SBNO2: variants seen among roughly 807,000 people sequenced by gnomAD.
SBNO2 encodes the protein strawberry notch homolog 2.
In SBNO2, 89 loss-of-function variants were observed where a neutral mutation model predicts 146.3. That is an observed-to-expected ratio of 0.61 (90% confidence interval 0.51 to 0.73). SBNO2 has a LOEUF of 0.73. Among genes scored for constraint, SBNO2 ranks in the 30% least tolerant of loss-of-function variants. The pLI, the probability that SBNO2 is intolerant of heterozygous loss-of-function variation, is 0.00. For missense variants in SBNO2, 2,092 were observed against 2,003.7 expected, an observed-to-expected ratio of 1.04 and a Z score of -0.84; for synonymous variants, 1,147 against 892.6, an observed-to-expected ratio of 1.29 and a Z score of -5.08.
At position 1,112,207 on chromosome 19, in the gene SBNO2, G is replaced by T. The variant is rs1478873040; in HGVS notation, c.2610C>A (p.Ala870=). The part of the protein sequence containing the change: ...AGERRFASIV[A]KRLESLGALT... ...TGCTCACCAGACTCTCCAGGCGCTT[G>T]GCCACGATGGAGGCGAACCGGCGCT... The change falls in exon 22 of 32, where the codon GCC becomes GCA. Residue 870 remains alanine, a synonymous_variant. Transcript: ENST00000361757. The surrounding 1 kb of genome is among the most constrained non-coding windows in gnomAD (Gnocchi z 5.9). 1.3e-6 allele frequency: 2 copies of T among 1,589,510 alleles called. No individual in the cohort carries two copies. Among genetic ancestry groups the T allele is most frequent in the South Asian group, 2.3e-5 (2 of 88,156 alleles).
Position 1,165,031 on chromosome 19 carries a change from G to A in SBNO2, c.-127+9141C>T, listed in dbSNP as rs7507563. On this transcript the variant is annotated intron_variant, in intron 1 of 31. Transcript: ENST00000361757. ...TGTGGGTCTTCCACAGGGTGTGCCC[G>A]GAGGAGGTCAAGACTCCACTGCCCT... 1.1e-4 allele frequency among the ~76,000 whole-genome samples: 16 copies of A among 151,464 alleles called. No homozygotes were observed. The South Asian group carries it at 2.9e-3, about 28-fold the overall frequency.
chr19:1,147,909 T>C (rs890374314), intron 3 of SBNO2, among the ~76,000 whole-genome samples: 7 of 152,160 alleles, frequency 4.6e-5, no homozygotes, highest in African/African-American at 1.7e-4. Context: ...ACCCTGAGGA[T>C]GGCAAAGGAC....
chr19:1,164,405 G>A (rs1193965631), intron 1 of SBNO2, among the ~76,000 whole-genome samples: 41 of 122,890 alleles, frequency 3.3e-4, no homozygotes, highest in African/African-American at 1.2e-3. Context: ...GGAGGAGGAG[G>A]AGGAGGAGGA....
At chr19:1,129,979 C>T (rs78436517) in intron 4 of SBNO2, among the ~76,000 whole-genome samples, 11,889 of 152,224 alleles carry the variant, frequency 0.078, 635 homozygotes, top group East Asian at 0.16. Context: ...CCACCCAAAA[C>T]TCCTGCCCCA....
rs542291859 is a variant in SBNO2 at position 1,119,023 on chromosome 19, G to A, written c.1515C>T (p.Arg505=). Residue 505 remains arginine (R), a synonymous_variant, in exon 14 of 32, where the codon CGC becomes CGT. Transcript: ENST00000361757. The part of the protein sequence containing the change: ...LAPAFECVYN[R]AALLWAEALN... ...TGCGCAGGCTCACCAGCAGGGCCGCGCGGTTGTAGACGCACTCGAAGGCTG... is the reference window on the plus strand; with the variant it reads ...TGCGCAGGCTCACCAGCAGGGCCGCACGGTTGTAGACGCACTCGAAGGCTG... The A allele has an allele frequency of 3.1e-5, 49 of 1,597,014 alleles. No homozygotes were observed. The East Asian group carries it at 7.4e-4, about 24-fold the overall frequency.
At chr19:1,133,085 C>T (rs982029783) in intron 4 of SBNO2, among the ~76,000 whole-genome samples, 2 of 152,126 alleles carry the variant, frequency 1.3e-5, no homozygotes, top group African/African-American at 2.4e-5. Context: ...GGGCCACAGG[C>T]GGTCATTCTC....
chr19:1,118,159 G>A (rs1362306017), intron 14 of SBNO2, among the ~76,000 whole-genome samples: 1 of 152,102 alleles, frequency 6.6e-6, no homozygotes, highest in South Asian at 2.1e-4. Flanking sequence ...GACCAACATG[G>A]AGAAATCCTG....
chr19:1,145,735 C>T (rs560113918), intron 4 of SBNO2, among the ~76,000 whole-genome samples: 4 of 152,260 alleles, frequency 2.6e-5, no homozygotes, highest in Non-Finnish European at 4.4e-5. Context: ...CTTCTGTGTC[C>T]GGCTGGCATG....
Position 1,108,217 on chromosome 19 carries a change from G to T in SBNO2, c.*3C>A, listed in dbSNP as rs1361730234. ...CTTGGGGCATGTTTCGCCTAAAGGC[G>T]TGTCAGAGAGGAGCCTGGGCGCCGG... On this transcript the variant is annotated 3_prime_UTR_variant, in exon 32 of 32. Coordinates refer to ENST00000361757, the MANE Select transcript of SBNO2 (RefSeq NM_014963.3). 1.7e-5 allele frequency: 26 copies of T among 1,527,202 alleles called. No individual in the cohort carries two copies. Among genetic ancestry groups the T allele is most frequent in the Admixed American group, 4.0e-5 (2 of 49,964 alleles). 94.6% of individuals were successfully genotyped at this position (1,527,202 alleles called of 1,614,324 possible). A position where few individuals can be genotyped will look rare whatever the true frequency, so the allele number is the denominator to read the frequency against.
intron 4 of SBNO2, among the ~76,000 whole-genome samples, chr19:1,132,867 T>A (rs1019959262): frequency 7.9e-5 from 12 of 152,198 alleles, no homozygotes; most frequent in African/African-American, 2.9e-4. Flanking sequence ...AGACCCGGCC[T>A]CGGCCCCCTG....
rs909218026 is a variant in SBNO2 at position 1,122,753 on chromosome 19, G to C, written c.819C>G (p.Gly273=). The C allele has an allele frequency of 4.6e-5, 71 of 1,537,350 alleles. No individual in the cohort carries two copies. Among genetic ancestry groups the C allele is most frequent in the Non-Finnish European group, 6.1e-5 (70 of 1,146,540 alleles). The change falls in exon 9 of 32, where the codon GGC becomes GGG. Residue 273 remains glycine (G), a synonymous_variant. Coordinates refer to ENST00000361757, the MANE Select transcript of SBNO2 (RefSeq NM_014963.3). ...EVLLPSGQRA[G]FLIGDGAGVG... is the part of the protein sequence containing the mutation. Reference sequence around the variant, plus strand: ...CGCCGGCCCCATCGCCGATGAGAAAGCCCGCGCGCTGCCCGCTGGGGAGCA... The same window carrying C: ...CGCCGGCCCCATCGCCGATGAGAAACCCCGCGCGCTGCCCGCTGGGGAGCA...
chr19:1,123,173 T>A, intron 7 of SBNO2, 128 bp from the exon 8 acceptor site: 1 of 1,087,382 alleles, frequency 9.2e-7, no homozygotes, highest in South Asian at 1.5e-5. Context: ...CGTGGCCAGG[T>A]CCCGTTGGGC....
At position 1,112,380 on chromosome 19, in the gene SBNO2, C is replaced by T. The variant is rs1353436041; in HGVS notation, c.2515+22G>A. The T allele has an allele frequency of 6.3e-7, 1 of 1,586,836 alleles. No homozygotes were observed. Among genetic ancestry groups the T allele is most frequent in the Non-Finnish European group, 8.5e-7 (1 of 1,170,132 alleles). Reference sequence around the variant, plus strand: ...ATGTTGGGGGCGGGGCCAGGCAGCGCTGGGGGCGGGGCCGGACTCACCGAA... The same window carrying T: ...ATGTTGGGGGCGGGGCCAGGCAGCGTTGGGGGCGGGGCCGGACTCACCGAA... On this transcript the variant is annotated intron_variant, in intron 21 of 31. Coordinates refer to ENST00000361757, the MANE Select transcript of SBNO2 (RefSeq NM_014963.3). The surrounding 1 kb of genome is among the most constrained non-coding windows in gnomAD (Gnocchi z 5.9).
chr19:1,113,702 G>C lies in SBNO2; in HGVS notation c.2080C>G (p.Pro694Ala). 1 of 1,548,628 alleles carries C rather than the reference G, an allele frequency of 6.5e-7. No homozygotes were observed. Among genetic ancestry groups the C allele is most frequent in the East Asian group, 2.5e-5 (1 of 39,778 alleles). ...GGGTCTCTCTGCAGGAGGCACAGGG[G>C]TCCTAGGGAGGAGGTGGAGGGTCAG... Reference protein sequence around the residue: ...AVGLPSDDRGPLCLLQRDPHG... With the variant: ...AVGLPSDDRGALCLLQRDPHG... Residue 694 changes from proline to alanine, a missense_variant and splice_region_variant, in exon 19 of 32, where the codon CCC (proline) becomes GCC (alanine). Transcript: ENST00000361757.
Position 1,147,437 on chromosome 19 carries a change from G to C in SBNO2, c.168-17C>G, listed in dbSNP as rs777610239. 215 of 1,304,728 alleles carry C rather than the reference G, an allele frequency of 1.6e-4. 8 individuals are homozygous for C. Among genetic ancestry groups the C allele is most frequent in the Middle Eastern group, 5.3e-4 (2 of 3,790 alleles). The allele number at this position is 1,304,728 out of a possible 1,614,324, so 80.8% of individuals were successfully genotyped here. On this transcript the variant is annotated splice_polypyrimidine_tract_variant and intron_variant, in intron 3 of 31. Transcript: ENST00000361757. ...ATGAACGGGCTGGAGGGAGATGGGG[G>C]GGGGGGAGGTGAGATGGGGTGCTCA...
chr19:1,156,999 C>G (rs1029826068), intron 1 of SBNO2, among the ~76,000 whole-genome samples: 1 of 152,134 alleles, frequency 6.6e-6, no homozygotes, highest in Non-Finnish European at 1.5e-5. Flanking sequence ...TTTCCGCCCA[C>G]TGCCAGCCCC....
intron 1 of SBNO2, among the ~76,000 whole-genome samples, chr19:1,161,821 G>C (rs1022452229): frequency 3.3e-5 from 5 of 150,802 alleles, no homozygotes; most frequent in African/African-American, 1.2e-4. Flanking sequence ...GGGTGTCATG[G>C]CTCTGCTGTC....
At chr19:1,134,820 G>A (rs570406424) in intron 4 of SBNO2, among the ~76,000 whole-genome samples, 1 of 152,230 alleles carries the variant, frequency 6.6e-6, no homozygotes, top group African/African-American at 2.4e-5. Flanking sequence ...GGCCGAGGTG[G>A]GTGGATCACG....
At chr19:1,159,911 C>T (rs1332987862) in intron 1 of SBNO2, among the ~76,000 whole-genome samples, 2 of 151,878 alleles carry the variant, frequency 1.3e-5, no homozygotes, top group Admixed American at 1.3e-4. Context: ...CAGAGCTGGG[C>T]AGTGGCAGAG....
Sources: gnomAD v4.1 joint callset for allele counts (sites outside exome capture counted in the v4.1 genomes callset) on GRCh38, gnomAD v4.1.1 for gene constraint, Gnocchi (gnomAD v3.1) non-coding constraint, MANE v1.5 for transcripts, NCBI Gene and HGNC (gene_info 2026-07-23, HGNC 2026-07-21) for gene names.